Variants in DNAH8 observed in about 807,000 individuals in gnomAD.
DNAH8 encodes the protein dynein axonemal heavy chain 8, also known as axonemal beta dynein heavy chain 8.
DNAH8 carries 382 observed loss-of-function variants against 562.1 expected under a neutral mutation model. That is an observed-to-expected ratio of 0.68 (90% CI 0.63 to 0.74). DNAH8 has a LOEUF of 0.74. Among genes scored for constraint, DNAH8 ranks in the 30% least tolerant of loss-of-function variants. DNAH8 has a pLI of 0.00. For synonymous variants in DNAH8, 1,881 were observed against 1,919.4 expected (o/e 0.98, Z 0.52); for missense variants, 5,203 against 5,620.4 (o/e 0.93, Z 2.37).
intron 1 of DNAH8, among the ~76,000 whole-genome samples, chr6:38,716,001 C>T (rs1582804818): frequency 1.1e-5 from 1 of 87,756 alleles, no homozygotes; most frequent in East Asian, 2.5e-4. Context: ...CTCTGCCGCC[C>T]AGGCTGGAGT....
At chr6:38,844,294 CTTTT>C (rs993960724) in intron 35 of DNAH8, among the ~76,000 whole-genome samples, 2 of 151,994 alleles carry the variant, frequency 1.3e-5, no homozygotes, top group African/African-American at 4.8e-5. Context: ...ATATGTTTGT[CTTTT>C]TTTTAAGTCT....
intron 41 of DNAH8, among the ~76,000 whole-genome samples, chr6:38,854,238 A>G (rs12209067): frequency 0.16 from 24,212 of 152,002 alleles, 2,267 homozygotes; most frequent in Non-Finnish European, 0.21. Flanking sequence ...GAAGACCTCA[A>G]AGAGGCCAAG....
At chr6:38,988,668 G>A (rs977123302) in intron 87 of DNAH8, among the ~76,000 whole-genome samples, 8 of 151,932 alleles carry the variant, frequency 5.3e-5, no homozygotes, top group African/African-American at 1.9e-4. Context: ...ACTACATTGT[G>A]TCCACCCTAT....
At chr6:38,825,050 C>CA (rs1179379138) in intron 28 of DNAH8, among the ~76,000 whole-genome samples, 10 of 152,094 alleles carry the variant, frequency 6.6e-5, no homozygotes, top group African/African-American at 2.4e-4. Context: ...AGTATACAGA[C>CA]AGAGTGCGCT....
chr6:38,862,013 G>T (rs1034471588), intron 43 of DNAH8, among the ~76,000 whole-genome samples: 1 of 142,424 alleles, frequency 7.0e-6, no homozygotes, highest in African/African-American at 2.6e-5. Flanking sequence ...CTGCTCATTT[G>T]GTTCTCCTGA....
intron 83 of DNAH8, among the ~76,000 whole-genome samples, chr6:38,972,496 A>C (rs1266395156): frequency 6.6e-6 from 1 of 152,164 alleles, no homozygotes; most frequent in East Asian, 1.9e-4. Flanking sequence ...ATTATACATA[A>C]TTATTTTTAC....
chr6:38,804,151 T>G (rs1424872858), intron 22 of DNAH8, among the ~76,000 whole-genome samples: 2 of 152,244 alleles, frequency 1.3e-5, no homozygotes, highest in African/African-American at 4.8e-5. Context: ...TCTAATAGTT[T>G]CAGTTTTATT....
chr6:38,749,763 A>G (rs975332265), intron 8 of DNAH8, among the ~76,000 whole-genome samples: 1 of 152,228 alleles, frequency 6.6e-6, no homozygotes, highest in Non-Finnish European at 1.5e-5. Flanking sequence ...ATGACCACTT[A>G]CAAGAAACTG....
At chr6:38,889,969 A>G (rs1471795344) in intron 57 of DNAH8, among the ~76,000 whole-genome samples, 1 of 152,150 alleles carries the variant, frequency 6.6e-6, no homozygotes, top group Non-Finnish European at 1.5e-5. Flanking sequence ...AAGCAGAGTA[A>G]ATCTTTCTTC....
At chr6:39,021,065 C>G (rs1247498880) in intron 91 of DNAH8, among the ~76,000 whole-genome samples, 1 of 152,130 alleles carries the variant, frequency 6.6e-6, no homozygotes, top group Non-Finnish European at 1.5e-5. Flanking sequence ...AATGGTATTT[C>G]TGGTTCTAGA....
At chr6:38,741,078 T>C (rs942274760) in intron 7 of DNAH8, among the ~76,000 whole-genome samples, 2 of 152,162 alleles carry the variant, frequency 1.3e-5, no homozygotes, top group Admixed American at 6.6e-5. Flanking sequence ...GGCAAACTTA[T>C]CATGTCCTTG....
chr6:39,013,211 G>T (rs1435802498), intron 91 of DNAH8, among the ~76,000 whole-genome samples: 1 of 152,160 alleles, frequency 6.6e-6, no homozygotes, highest in Non-Finnish European at 1.5e-5. Context: ...CATAGAGTTT[G>T]TAAGGTTCAG....
At chr6:38,832,251 G>A in intron 30 of DNAH8, 71 bp from the exon 31 acceptor site, 1 of 894,088 alleles carries the variant, frequency 1.1e-6, no homozygotes, top group Non-Finnish European at 1.8e-6. Context: ...ACACTTGTTG[G>A]AATAGAATTG....
chr6:38,754,575 A>G (rs1215286063), intron 9 of DNAH8, among the ~76,000 whole-genome samples: 1 of 152,072 alleles, frequency 6.6e-6, no homozygotes, highest in African/African-American at 2.4e-5. Context: ...CACATTTTAT[A>G]TATTTTATCT....
At chr6:38,938,725 T>C in intron 78 of DNAH8, 73 bp from the exon 79 acceptor site, 1 of 1,026,198 alleles carries the variant, frequency 9.7e-7, no homozygotes, top group Non-Finnish European at 1.4e-6. Flanking sequence ...CCTTCATGTG[T>C]ACCCCTGAAC....
At chr6:38,886,463 A>G (rs893298869) in intron 56 of DNAH8, among the ~76,000 whole-genome samples, 39 of 152,232 alleles carry the variant, frequency 2.6e-4, no homozygotes, top group Non-Finnish European at 2.9e-4. Flanking sequence ...AGTATGAAAG[A>G]TGTCTACAGT....
chr6:38,898,743 G>A (rs1779875904), intron 61 of DNAH8, among the ~76,000 whole-genome samples: 1 of 152,130 alleles, frequency 6.6e-6, no homozygotes, highest in Non-Finnish European at 1.5e-5. Context: ...TGCCCATGGA[G>A]GAAAAGATGT....
At chr6:38,880,471 G>A (rs1554125989) in intron 53 of DNAH8, among the ~76,000 whole-genome samples, 1 of 152,166 alleles carries the variant, frequency 6.6e-6, no homozygotes, top group Non-Finnish European at 1.5e-5. Flanking sequence ...CTCTTTTGCT[G>A]TTTAAAAGTC....
chr6:38,781,299 C>G lies in DNAH8; in HGVS notation c.2185C>G (p.Pro729Ala), dbSNP rs866179461. Residue 729 changes from proline (P) to alanine (A), a missense_variant, in exon 16 of 93, where the codon CCC becomes GCC. Transcript: ENST00000327475. ...TGACCCCCCTCTTGCTCGCAACATGCCCCCTATAGCAGGAAAAATACTCTG... is the reference window on the plus strand; with the variant it reads ...TGACCCCCCTCTTGCTCGCAACATGGCCCCTATAGCAGGAAAAATACTCTG... ...KDDPPLARNM[P>A]PIAGKILWVR... 6 of 1,613,740 alleles carry G rather than the reference C, an allele frequency of 3.7e-6. No homozygotes were observed. In the Admixed American group the frequency reaches 1.0e-4, roughly 27 times the overall value.
Sources: gnomAD v4.1 joint callset for allele counts (sites outside exome capture counted in the v4.1 genomes callset) on GRCh38, gnomAD v4.1.1 for gene constraint, MANE v1.5 for transcripts, NCBI Gene and HGNC (gene_info 2026-07-23, HGNC 2026-07-21) for gene names.